Variants in PSMC1 observed in about 807,000 individuals in gnomAD.
The protein encoded by PSMC1 is proteasome 26S subunit, ATPase 1, also known as 26S proteasome regulatory subunit 4.
Under a neutral mutation model 49.8 loss-of-function variants are expected in PSMC1, and 5 were observed. That is an observed-to-expected ratio of 0.10 (90% CI 0.05 to 0.21). PSMC1 has a LOEUF of 0.21. Ranked by LOEUF, PSMC1 falls within the 10% of genes least tolerant of loss-of-function variation. The pLI is 1.00. For synonymous variants in PSMC1, 155 were observed against 192.1 expected, an observed-to-expected ratio of 0.81 and a Z score of 1.60; for missense variants, 181 against 535.7, an observed-to-expected ratio of 0.34 and a Z score of 6.54.
At chr14:90,263,284 CCA>C (rs1348022624) in intron 3 of PSMC1, 32 bp from the exon 4 acceptor site, 1 of 1,569,212 alleles carries the variant, frequency 6.4e-7, no homozygotes, top group African/African-American at 1.4e-5. Context: ...ACTTCAGGGT[CCA>C]CATATAATGA....
chr14:90,256,563 C>T lies in PSMC1; in HGVS notation c.-35C>T. 1 of 1,580,672 alleles carries T rather than the reference C, an allele frequency of 6.3e-7. No homozygotes were observed. Among genetic ancestry groups the T allele is most frequent in the Non-Finnish European group, 8.6e-7 (1 of 1,163,086 alleles). ...CTGGCGGGCCGCAGTGGTGGAGGAA[C>T]TTCCGGCAGCGGCAGCTCAAGTGGC... On this transcript the variant is annotated 5_prime_UTR_variant, in exon 1 of 11. Transcript: ENST00000261303.
chr14:90,265,688 C>CAAAAAA (rs35151204), intron 7 of PSMC1, among the ~76,000 whole-genome samples: 7 of 94,112 alleles, frequency 7.4e-5, no homozygotes, highest in African/African-American at 3.3e-4. Flanking sequence ...GACTACATCT[C>CAAAAAA]AAAAAAAAAA....
chr14:90,256,575 G>C lies in PSMC1; in HGVS notation c.-23G>C. On this transcript the variant is annotated 5_prime_UTR_variant, in exon 1 of 11. Coordinates refer to ENST00000261303, the MANE Select transcript of PSMC1 (RefSeq NM_002802.3). Reference sequence around the variant, plus strand: ...AGTGGTGGAGGAACTTCCGGCAGCGGCAGCTCAAGTGGCCAAGGCAAGATG... The same window carrying C: ...AGTGGTGGAGGAACTTCCGGCAGCGCCAGCTCAAGTGGCCAAGGCAAGATG... 1.3e-6 allele frequency: 2 copies of C among 1,584,990 alleles called. No individual in the cohort carries two copies. Among genetic ancestry groups the C allele is most frequent in the African/African-American group, 2.7e-5 (2 of 74,640 alleles).
At chr14:90,264,282 T>A in intron 6 of PSMC1, 113 bp downstream of exon 6, 1 of 1,437,380 alleles carries the variant, frequency 7.0e-7, no homozygotes, top group Admixed American at 2.5e-5. Context: ...AACCAGTAGC[T>A]GAGTCAGAGC....
intron 1 of PSMC1, among the ~76,000 whole-genome samples, chr14:90,258,029 C>T (rs1462817720): frequency 1.3e-5 from 2 of 152,210 alleles, no homozygotes; most frequent in African/African-American, 4.8e-5. Flanking sequence ...AATGGAAACA[C>T]AGTAAGTGGC....
At chr14:90,265,029 AT>A (rs1891477304) in intron 6 of PSMC1, 40 bp from the exon 7 acceptor site, 1 of 1,431,936 alleles carries the variant, frequency 7.0e-7, no homozygotes, top group East Asian at 2.3e-5. Context: ...AAATATGCTA[AT>A]AATTTCAGTA....
Position 90,265,137 on chromosome 14 carries a change from G to A in PSMC1, c.662G>A (p.Gly221Glu). 1 of 1,612,896 alleles carries A rather than the reference G, an allele frequency of 6.2e-7. No individual in the cohort carries two copies. Among genetic ancestry groups the A allele is most frequent in the Non-Finnish European group, 8.5e-7 (1 of 1,179,502 alleles). The change falls in exon 7 of 11, where the codon GGG becomes GAG. Residue 221 changes from glycine (G) to glutamate (E), a missense_variant. Gly to Glu is a moderately conservative substitution (Grantham distance 98). Coordinates refer to ENST00000261303, the MANE Select transcript of PSMC1 (RefSeq NM_002802.3). ...YEEMGIKPPK[G>E]VILYGPPGTG... The stretch of plus-strand genomic sequence containing the variant: ...GAGATGGGTATAAAGCCTCCTAAGG[G>A]GGTCATTCTCTATGGTCCACCTGGC...
At position 90,273,640 on chromosome 14, in the gene PSMC1, T is replaced by TAA. The variant is rs1330700777; in HGVS notation, c.*1235_*1236dup. ...AAGTCCAACACGAGTGTCTCCAGGC[T>TAA]AAAGTCTTGCTGTTGGCAGGACCGT... On this transcript the variant is annotated 3_prime_UTR_variant, in exon 11 of 11. Coordinates refer to ENST00000261303, the MANE Select transcript of PSMC1 (RefSeq NM_002802.3). The TAA allele has an allele frequency of 6.6e-6, 1 of 152,550 alleles. No individual in the cohort carries two copies. Among genetic ancestry groups the TAA allele is most frequent in the African/African-American group, 2.4e-5 (1 of 41,484 alleles). The allele number at this position is 152,550 out of a possible 1,614,324, so 9.4% of individuals were successfully genotyped here.
chr14:90,264,352 C>A (rs960658852), intron 6 of PSMC1, among the ~76,000 whole-genome samples, 183 bp downstream of exon 6: 1 of 152,180 alleles, frequency 6.6e-6, no homozygotes, highest in Non-Finnish European at 1.5e-5. Flanking sequence ...AAATAACAGT[C>A]AGTTGTGTGA....
chr14:90,265,063 T>C lies in PSMC1; in HGVS notation c.595-7T>C. On this transcript the variant is annotated splice_polypyrimidine_tract_variant and splice_region_variant and intron_variant, in intron 6 of 10. Transcript: ENST00000261303. The stretch of plus-strand genomic sequence containing the variant: ...GTAAAGCCTTTCATTCATACTGTTT[T>C]TCATAGGAATCTGTGGAGCTTCCTC... 2 of 1,597,592 alleles carry C rather than the reference T, an allele frequency of 1.3e-6. No individual in the cohort carries two copies. Among genetic ancestry groups the C allele is most frequent in the Non-Finnish European group, 1.7e-6 (2 of 1,166,214 alleles).
intron 1 of PSMC1, 149 bp downstream of exon 1, chr14:90,256,749 C>T (rs1244840879): frequency 3.0e-6 from 4 of 1,315,266 alleles, no homozygotes; most frequent in Non-Finnish European, 4.2e-6. Context: ...GTGGAGGCTC[C>T]CAGAGACCGC....
chr14:90,264,491 G>A (rs1891466135), intron 6 of PSMC1, among the ~76,000 whole-genome samples: 1 of 152,222 alleles, frequency 6.6e-6, no homozygotes, highest in Non-Finnish European at 1.5e-5. Context: ...AGTGCTTTGT[G>A]GAGATAGCAT....
chr14:90,263,615 A>G (rs1018717903), intron 4 of PSMC1, 47 bp from the exon 5 acceptor site: 3 of 1,586,686 alleles, frequency 1.9e-6, no homozygotes, highest in East Asian at 4.5e-5. Context: ...AGGATCATCT[A>G]CTTTGAGGTC....
intron 7 of PSMC1, 31 bp from the exon 8 acceptor site, chr14:90,268,193 T>TC: frequency 6.9e-7 from 1 of 1,443,104 alleles, no homozygotes; most frequent in Non-Finnish European, 9.3e-7. Flanking sequence ...TAAGGTGTCT[T>TC]TTTTTTTTTT....
chr14:90,266,620 T>C (rs1205827498), intron 7 of PSMC1, among the ~76,000 whole-genome samples: 1 of 152,214 alleles, frequency 6.6e-6, no homozygotes, highest in Non-Finnish European at 1.5e-5. Context: ...TGTGGGGCTC[T>C]AGTACTAAAG....
At chr14:90,263,969 T>G (rs575118840) in intron 5 of PSMC1, 72 bp from the exon 6 acceptor site, 1 of 1,580,312 alleles carries the variant, frequency 6.3e-7, no homozygotes, top group Admixed American at 1.8e-5. Context: ...ATGCCATGAC[T>G]GGCATTGCTT....
chr14:90,265,914 C>T (rs1891501197), intron 7 of PSMC1, among the ~76,000 whole-genome samples: 1 of 151,766 alleles, frequency 6.6e-6, no homozygotes. Flanking sequence ...TTGATCTATT[C>T]ATCTGGAGTA....
At chr14:90,266,326 G>T (rs796890833) in intron 7 of PSMC1, among the ~76,000 whole-genome samples, 5 of 152,206 alleles carry the variant, frequency 3.3e-5, no homozygotes, top group African/African-American at 1.2e-4. Context: ...GGACTTAGAA[G>T]TTCATTGCTG....
intron 3 of PSMC1, among the ~76,000 whole-genome samples, chr14:90,262,558 G>C (rs769547690): frequency 2.0e-4 from 31 of 152,260 alleles, no homozygotes; most frequent in Non-Finnish European, 4.0e-4. Flanking sequence ...GCTGAGGCAG[G>C]TGGATCACGA....
Sources: gnomAD v4.1 joint callset for allele counts (sites outside exome capture counted in the v4.1 genomes callset) on GRCh38, gnomAD v4.1.1 for gene constraint, MANE v1.5 for transcripts, NCBI Gene and HGNC (gene_info 2026-07-23, HGNC 2026-07-21) for gene names.